NOL4: variants seen among roughly 807,000 people sequenced by gnomAD.
The protein encoded by NOL4 is nucleolar protein 4.
A neutral mutation model predicts 75.9 loss-of-function variants in NOL4; 17 were observed. That is an observed-to-expected ratio of 0.22 (90% CI 0.15 to 0.34). The LOEUF (loss-of-function observed/expected upper bound fraction) is 0.34. NOL4 is among the 10% of genes least tolerant of loss of function. The pLI is 1.00. For synonymous variants in NOL4, 292 were observed against 289.9 expected (o/e 1.01, Z -0.07); for missense variants, 614 against 793.5 (o/e 0.77, Z 2.72).
At chr18:34,059,023 T>G (rs568566700) in intron 5 of NOL4, among the ~76,000 whole-genome samples, 55 of 151,148 alleles carry the variant, frequency 3.6e-4, no homozygotes, top group African/African-American at 1.2e-3. Context: ...ATCTTATTCT[T>G]TATTGGCTTC....
At chr18:34,177,334 G>A (rs2033640827) in intron 1 of NOL4, among the ~76,000 whole-genome samples, 1 of 151,836 alleles carries the variant, frequency 6.6e-6, no homozygotes, top group Admixed American at 6.6e-5. Flanking sequence ...ATTTTGGGGA[G>A]TAATGGATAT....
chr18:34,040,683 G>T (rs2144793181), intron 5 of NOL4, among the ~76,000 whole-genome samples: 1 of 151,924 alleles, frequency 6.6e-6, no homozygotes, highest in South Asian at 2.1e-4. Context: ...ATGCTGCAGG[G>T]ATAAGAAAAA....
intron 5 of NOL4, among the ~76,000 whole-genome samples, chr18:34,049,542 G>A (rs1490517237): frequency 6.6e-6 from 1 of 151,944 alleles, no homozygotes; most frequent in Non-Finnish European, 1.5e-5. Context: ...GAAAGATACA[G>A]GGCAGGAAAA....
chr18:33,964,494 G>C (rs902849340), intron 6 of NOL4, among the ~76,000 whole-genome samples: 2 of 151,440 alleles, frequency 1.3e-5, no homozygotes, highest in African/African-American at 4.9e-5. Context: ...AGAAAGGACA[G>C]AAAAGAAAGA....
At chr18:34,002,652 G>A (rs144966828) in intron 6 of NOL4, among the ~76,000 whole-genome samples, 1 of 152,058 alleles carries the variant, frequency 6.6e-6, no homozygotes, top group Non-Finnish European at 1.5e-5. Context: ...GCTCACAGGA[G>A]AGGCTTAATA....
intron 10 of NOL4, among the ~76,000 whole-genome samples, chr18:33,877,670 T>G (rs1366727660): frequency 6.6e-6 from 1 of 152,038 alleles, no homozygotes; most frequent in African/African-American, 2.4e-5. Flanking sequence ...GACCTCAACA[T>G]AGTACTACAG....
At chr18:33,943,464 G>A (rs780139018) in intron 8 of NOL4, among the ~76,000 whole-genome samples, 34 of 151,864 alleles carry the variant, frequency 2.2e-4, no homozygotes, top group Non-Finnish European at 3.7e-4. Flanking sequence ...TGAACAGGCA[G>A]TGGCAAAACT....
intron 5 of NOL4, among the ~76,000 whole-genome samples, chr18:34,072,496 G>A (rs1025489080): frequency 5.3e-5 from 8 of 152,184 alleles, no homozygotes; most frequent in Non-Finnish European, 8.8e-5. Flanking sequence ...ATGCACAATC[G>A]TAGTTTGAGA....
intron 5 of NOL4, among the ~76,000 whole-genome samples, chr18:34,052,719 G>A (rs969205216): frequency 6.6e-6 from 1 of 152,046 alleles, no homozygotes; most frequent in Admixed American, 6.6e-5. Context: ...AGGACTTTAT[G>A]ATTCAAAGTG....
rs561230431 is a variant in NOL4 at position 33,880,417 on chromosome 18, T to C, written c.1723+2827A>G. On this transcript the variant is annotated intron_variant, in intron 10 of 10. Transcript: ENST00000261592. ...CACCCAATTATAAGAACACTATCCA[T>C]GTATTTTTTCCTCATACATGCATAG... Among the ~76,000 whole-genome samples, 9 of 152,042 alleles carry C rather than the reference T, an allele frequency of 5.9e-5. 1 individual carries two copies. The South Asian group carries it at 1.9e-3, about 32-fold the overall frequency.
At chr18:34,058,766 A>G (rs2076937659) in intron 5 of NOL4, among the ~76,000 whole-genome samples, 2 of 152,156 alleles carry the variant, frequency 1.3e-5, no homozygotes, top group Non-Finnish European at 2.9e-5. Flanking sequence ...AAATATGAAT[A>G]TACATATTGC....
chr18:33,870,604 G>A (rs2063653209), intron 10 of NOL4, among the ~76,000 whole-genome samples: 1 of 151,894 alleles, frequency 6.6e-6, no homozygotes. Context: ...CGAAAGATAT[G>A]TCTGATTTGA....
chr18:33,897,133 A>G (rs76343751), intron 9 of NOL4, among the ~76,000 whole-genome samples: 2 of 152,128 alleles, frequency 1.3e-5, no homozygotes, highest in Non-Finnish European at 2.9e-5. Context: ...TGGTGAGGTT[A>G]TGGAGAAAAG....
intron 7 of NOL4, 61 bp from the exon 8 acceptor site, chr18:33,957,578 C>A (rs2069745702): frequency 7.7e-7 from 1 of 1,304,562 alleles, no homozygotes; most frequent in Non-Finnish European, 1.1e-6. Context: ...CTGTTCCTAG[C>A]TTCCTGTCTT....
chr18:33,920,989 C>G (rs898878377), intron 9 of NOL4, among the ~76,000 whole-genome samples: 1 of 152,136 alleles, frequency 6.6e-6, no homozygotes, highest in Admixed American at 6.5e-5. Context: ...GAGCATGGGG[C>G]TACAGATGAT....
chr18:34,108,105 G>A (rs533915310), intron 2 of NOL4, among the ~76,000 whole-genome samples: 1 of 152,238 alleles, frequency 6.6e-6, no homozygotes, highest in Admixed American at 6.5e-5. Flanking sequence ...ACCAAGTATT[G>A]AAGCCATTGA....
intron 1 of NOL4, among the ~76,000 whole-genome samples, chr18:34,136,100 A>C (rs1025027585): frequency 1.3e-5 from 2 of 152,168 alleles, no homozygotes; most frequent in Non-Finnish European, 2.9e-5. Flanking sequence ...TATTATTTCC[A>C]TAGATCCAGG....
chr18:34,017,588 G>A (rs757722225), intron 6 of NOL4, among the ~76,000 whole-genome samples: 1 of 151,978 alleles, frequency 6.6e-6, no homozygotes, highest in African/African-American at 2.4e-5. Context: ...TATTTACTAT[G>A]TTCTTTTTGA....
intron 8 of NOL4, among the ~76,000 whole-genome samples, chr18:33,950,192 C>A (rs1404877258): frequency 6.6e-6 from 1 of 151,190 alleles, no homozygotes; most frequent in African/African-American, 2.4e-5. Context: ...TGTATCAATT[C>A]TTGGCCTTTT....
Sources: allele counts gnomAD v4.1 joint callset (sites outside exome capture counted in the v4.1 genomes callset), GRCh38; gene constraint gnomAD v4.1.1; transcripts MANE v1.5; gene names NCBI Gene and HGNC (gene_info 2026-07-23, HGNC 2026-07-21).